Variants in HTR1F observed in about 807,000 individuals in gnomAD.
HTR1F encodes 5-hydroxytryptamine (serotonin) receptor 1F, G protein-coupled.
A neutral mutation model predicts 24.0 loss-of-function variants in HTR1F; 17 were observed. The ratio of observed to expected loss-of-function variants is 0.71; its 90% confidence interval spans 0.48 to 1.06. The LOEUF (loss-of-function observed/expected upper bound fraction) is 1.06, where lower values mean the gene tolerates loss of function less well. Among genes scored for constraint, HTR1F ranks in the 50% least tolerant of loss-of-function variants. The pLI, the probability that HTR1F is intolerant of heterozygous loss-of-function variation, is 0.00. For synonymous variants in HTR1F, 186 were observed against 156.8 expected (o/e 1.19, Z -1.39); for missense variants, 391 against 427.8 (o/e 0.91, Z 0.76).
chr3:87,796,505 A>G (rs552992478), intron 1 of HTR1F, among the ~76,000 whole-genome samples: 15 of 152,284 alleles, frequency 9.9e-5, no homozygotes, highest in African/African-American at 3.6e-4. Context: ...TCAGGGGAGA[A>G]TGTATTTAAA....
At chr3:87,829,080 T>G (rs1442524652) in intron 2 of HTR1F, among the ~76,000 whole-genome samples, 1 of 151,980 alleles carries the variant, frequency 6.6e-6, no homozygotes, top group East Asian at 1.9e-4. Context: ...AGATCTGTCC[T>G]GTGCTTTATT....
chr3:87,941,549 G>A (rs1353314210), intron 2 of HTR1F, among the ~76,000 whole-genome samples: 1 of 152,146 alleles, frequency 6.6e-6, no homozygotes, highest in Non-Finnish European at 1.5e-5. Context: ...CGTACTGAAG[G>A]ACAAGAGAGT....
At chr3:87,967,679 C>G (rs1002188104) in intron 2 of HTR1F, among the ~76,000 whole-genome samples, 4 of 152,150 alleles carry the variant, frequency 2.6e-5, no homozygotes, top group Admixed American at 2.6e-4. Flanking sequence ...AGTTCCCCTG[C>G]TCATGCTTTC....
chr3:87,974,918 C>A (rs962576608), intron 2 of HTR1F, among the ~76,000 whole-genome samples: 4 of 152,074 alleles, frequency 2.6e-5, no homozygotes, highest in African/African-American at 9.7e-5. Flanking sequence ...TTTTTAATTC[C>A]ATTCAGATGA....
intron 2 of HTR1F, among the ~76,000 whole-genome samples, chr3:87,836,209 A>G (rs575855482): frequency 2.0e-5 from 3 of 152,326 alleles, no homozygotes; most frequent in Admixed American, 6.5e-5. Context: ...AGGAAAGACA[A>G]TACTTCTATT....
At chr3:87,796,807 G>A (rs4859104) in intron 1 of HTR1F, among the ~76,000 whole-genome samples, 45,109 of 152,028 alleles carry the variant, frequency 0.3, 6,855 homozygotes, top group East Asian at 0.43. Context: ...TAAGAATTGA[G>A]CATAGATTGG....
intron 2 of HTR1F, among the ~76,000 whole-genome samples, chr3:87,948,384 T>A (rs1165446945): frequency 1.3e-5 from 2 of 152,248 alleles, no homozygotes; most frequent in Non-Finnish European, 2.9e-5. Context: ...TTTATCCTGT[T>A]AAATTACTTC....
At chr3:87,977,474 C>CT (rs1400806617) in intron 2 of HTR1F, among the ~76,000 whole-genome samples, 2 of 144,108 alleles carry the variant, frequency 1.4e-5, no homozygotes, top group African/African-American at 5.1e-5. Context: ...TCTCAGCTCA[C>CT]TGCAAACTCC....
At chr3:87,934,191 A>T (rs1266397386) in intron 2 of HTR1F, among the ~76,000 whole-genome samples, 1 of 152,246 alleles carries the variant, frequency 6.6e-6, no homozygotes, top group African/African-American at 2.4e-5. Flanking sequence ...AACACTAGTG[A>T]AGTAACAGTA....
intron 2 of HTR1F, among the ~76,000 whole-genome samples, chr3:87,871,802 C>A (rs545550032): frequency 6.6e-6 from 1 of 152,140 alleles, no homozygotes; most frequent in South Asian, 2.1e-4. Flanking sequence ...GGCAGCAGCA[C>A]ATTAACAGTA....
At chr3:87,933,478 C>T (rs1485232550) in intron 2 of HTR1F, among the ~76,000 whole-genome samples, 1 of 152,182 alleles carries the variant, frequency 6.6e-6, no homozygotes, top group African/African-American at 2.4e-5. Flanking sequence ...TCAAAATCTC[C>T]TTAAGCTGAT....
At chr3:87,806,224 C>T (rs1704071213) in intron 1 of HTR1F, among the ~76,000 whole-genome samples, 2 of 151,998 alleles carry the variant, frequency 1.3e-5, no homozygotes, top group African/African-American at 4.8e-5. Flanking sequence ...CATTTAAGTA[C>T]AAGTATGCTT....
chr3:87,902,011 ATAGT>A (rs766431640), intron 2 of HTR1F, among the ~76,000 whole-genome samples: 44 of 152,242 alleles, frequency 2.9e-4, no homozygotes, highest in Middle Eastern at 6.8e-3. Context: ...TTTATAAACC[ATAGT>A]TAGCCTCAAT....
chr3:87,916,346 A>G (rs1311232018), intron 2 of HTR1F, among the ~76,000 whole-genome samples: 1 of 151,186 alleles, frequency 6.6e-6, no homozygotes, highest in African/African-American at 2.4e-5. Flanking sequence ...CACAGGCAAC[A>G]AATAGCATGA....
chr3:87,942,658 A>C (rs543741972), intron 2 of HTR1F, among the ~76,000 whole-genome samples: 1 of 151,982 alleles, frequency 6.6e-6, no homozygotes, highest in Non-Finnish European at 1.5e-5. Context: ...AAGCCCTATT[A>C]GGCATTCAAT....
intron 2 of HTR1F, among the ~76,000 whole-genome samples, chr3:87,933,150 A>G (rs1704324319): frequency 6.6e-6 from 1 of 152,084 alleles, no homozygotes; most frequent in African/African-American, 2.4e-5. Flanking sequence ...ACAAAATTCA[A>G]CAACCCTTCA....
In HTR1F at chr3:87,992,163, C is replaced by T. The variant is rs967903430; in HGVS notation, c.*313C>T. ...TAATGACAGTGATTTTCCATGTTTA[C>T]ATCTTACAATAATTATAGAGGAGTT... On this transcript the variant is annotated 3_prime_UTR_variant, in exon 3 of 3. Transcript: ENST00000319595. 6.7e-5 allele frequency: 12 copies of T among 178,248 alleles called. No individual in the cohort carries two copies. Among genetic ancestry groups the T allele is most frequent in the African/African-American group, 2.4e-4 (10 of 41,902 alleles). 11.0% of individuals were successfully genotyped at this position (178,248 alleles called of 1,614,324 possible). A position where few individuals can be genotyped will look rare whatever the true frequency, so the allele number is the denominator to read the frequency against.
At chr3:87,870,547 G>A (rs552810962) in intron 2 of HTR1F, among the ~76,000 whole-genome samples, 1 of 152,158 alleles carries the variant, frequency 6.6e-6, no homozygotes, top group East Asian at 1.9e-4. Flanking sequence ...AAGAAAAAAT[G>A]CCCAAAACAC....
intron 2 of HTR1F, among the ~76,000 whole-genome samples, chr3:87,897,708 T>C (rs1706232766): frequency 6.6e-6 from 1 of 152,070 alleles, no homozygotes; most frequent in Non-Finnish European, 1.5e-5. Flanking sequence ...AGCACACATG[T>C]GGACTTTCCC....
Sources: allele counts gnomAD v4.1 joint callset (sites outside exome capture counted in the v4.1 genomes callset), GRCh38; gene constraint gnomAD v4.1.1; transcripts MANE v1.5; gene names NCBI Gene and HGNC (gene_info 2026-07-23, HGNC 2026-07-21).